The following RAB27A variants were observed in gnomAD, a reference collection of about 807,000 sequenced individuals.
RAB27A encodes the protein RAB27A, member RAS oncogene family.
In RAB27A, 17 loss-of-function variants were observed where a neutral mutation model predicts 20.8. The observed-to-expected ratio is 0.82, with a 90% CI of 0.56 to 1.23. The LOEUF is 1.23. RAB27A is among the 50% of genes most tolerant of loss of function. RAB27A has a pLI of 0.00. For synonymous variants in RAB27A, 85 were observed against 92.8 expected (o/e 0.92, Z 0.48); for missense variants, 277 against 266.7 (o/e 1.04, Z -0.27).
chr15:55,266,060 T>G (rs527742808), intron 2 of RAB27A, among the ~76,000 whole-genome samples: 29 of 152,314 alleles, frequency 1.9e-4, no homozygotes, highest in Admixed American at 1.1e-3. Flanking sequence ...ACTGAATGTT[T>G]GTGTCTCCCC....
rs147886531 is a variant in RAB27A, at chr15:55,284,909, A to G, written c.-143+4807T>C. On this transcript the variant is annotated intron_variant, in intron 1 of 6. Coordinates refer to ENST00000336787, the MANE Select transcript of RAB27A (RefSeq NM_183235.3). ...AATTCTAATACTCCTTGGGTTTACAAATCTTCTCTTTTGGATACATGCACA... is the reference window on the plus strand; with the variant it reads ...AATTCTAATACTCCTTGGGTTTACAGATCTTCTCTTTTGGATACATGCACA... Among the ~76,000 whole-genome samples the G allele has an allele frequency of 2.0e-4, 31 of 152,294 alleles. 1 individual carries two copies. In the East Asian group the frequency reaches 5.8e-3, roughly 28 times the overall value.
intron 2 of RAB27A, among the ~76,000 whole-genome samples, chr15:55,311,159 G>A (rs569629112): frequency 6.6e-6 from 1 of 152,168 alleles, no homozygotes; most frequent in East Asian, 1.9e-4. Context: ...AAACTCTCAG[G>A]CTGCAGTTAT....
At position 55,223,936 on chromosome 15, in the gene RAB27A, C is replaced by G; in HGVS notation, c.420G>C (p.Gln140His). The G allele has an allele frequency of 6.2e-7, 1 of 1,613,976 alleles. No individual in the cohort carries two copies. The highest frequency in any genetic ancestry group is 8.5e-7 in the Non-Finnish European group (1 of 1,179,912). The change falls in exon 6 of 7, where the codon CAG (glutamine) becomes CAC (histidine). Residue 140 changes from glutamine to histidine, a missense_variant. Physicochemically the swap from Gln to His is conservative, Grantham distance 24. Transcript: ENST00000336787. ...TGGCTTCCTCCTCTTTCACTACTCTCTGGTCCTCCAGATCACTCTTGTTTC... is the reference window on the plus strand; with the variant it reads ...TGGCTTCCTCCTCTTTCACTACTCTGTGGTCCTCCAGATCACTCTTGTTTC... ...LCGNKSDLED[Q>H]RVVKEEEAIA...
chr15:55,213,260 T>C (rs74015513), intron 6 of RAB27A, among the ~76,000 whole-genome samples: 6,144 of 152,300 alleles, frequency 0.04, 439 homozygotes, highest in African/African-American at 0.14. Context: ...GAAGAATGTT[T>C]TTGTTTTTCT....
intron 1 of RAB27A, among the ~76,000 whole-genome samples, chr15:55,275,918 T>TAAAAAAAAA (rs60106785): frequency 9.6e-5 from 10 of 104,122 alleles, no homozygotes; most frequent in African/African-American, 1.1e-4. Flanking sequence ...GATGGCTAAT[T>TAAAAAAAAA]AAAAAAAAAA....
upstream of RAB27A, among the ~76,000 whole-genome samples, chr15:55,294,502 C>T (rs2054938895): frequency 6.9e-6 from 1 of 145,544 alleles, no homozygotes; most frequent in African/African-American, 2.5e-5. Flanking sequence ...ATGGGAGGAT[C>T]GCTTGAGCCC....
chr15:55,278,487 T>A (rs867391189), intron 1 of RAB27A, among the ~76,000 whole-genome samples: 8,155 of 148,194 alleles, frequency 0.055, 266 homozygotes, highest in Non-Finnish European at 0.067. Context: ...TTATTATTTT[T>A]TTTTTTTTTT....
At chr15:55,280,547 T>C (rs1897989786) in intron 1 of RAB27A, among the ~76,000 whole-genome samples, 1 of 149,154 alleles carries the variant, frequency 6.7e-6, no homozygotes, top group East Asian at 1.9e-4. Context: ...CTAGGGTACA[T>C]GTGCACAATG....
intron 2 of RAB27A, among the ~76,000 whole-genome samples, chr15:55,302,348 T>C (rs2054975905): frequency 6.6e-6 from 1 of 152,164 alleles, no homozygotes; most frequent in Non-Finnish European, 1.5e-5. Context: ...GGTGCCGGGA[T>C]TGCAGACGGA....
chr15:55,276,212 C>T (rs932003837), intron 1 of RAB27A, among the ~76,000 whole-genome samples: 12 of 152,060 alleles, frequency 7.9e-5, no homozygotes, highest in Non-Finnish European at 1.8e-4. Flanking sequence ...TAGAAACAAC[C>T]TCAATGTCCA....
chr15:55,300,857 T>C (rs200895470), intron 2 of RAB27A, among the ~76,000 whole-genome samples: 7 of 136,934 alleles, frequency 5.1e-5, no homozygotes, highest in Admixed American at 4.3e-4. Context: ...ACAGACTTCA[T>C]AGACTTAGAG....
At chr15:55,286,326 G>T (rs1898151791) in intron 1 of RAB27A, among the ~76,000 whole-genome samples, 1 of 152,164 alleles carries the variant, frequency 6.6e-6, no homozygotes, top group African/African-American at 2.4e-5. Context: ...GAACAAGGCA[G>T]ATTACTGGCC....
intron 5 of RAB27A, among the ~76,000 whole-genome samples, chr15:55,226,869 C>CAAAAAAAAAAAAAAAAAAAAAAA (rs574861809): frequency 1.6e-5 from 1 of 63,350 alleles, no homozygotes; most frequent in Non-Finnish European, 3.3e-5. Flanking sequence ...AACTCCATCT[C>CAAAAAAAAAAAAAAAAAAAAAAA]AAAAAAAAAA....
chr15:55,303,014 G>A lies in RAB27A; in HGVS notation c.-112+11025C>T, dbSNP rs1221310058. 5.6e-5 allele frequency among the ~76,000 whole-genome samples: 8 copies of A among 142,956 alleles called. No individual in the cohort carries two copies. The East Asian group carries it at 6.8e-4, about 12-fold the overall frequency. 93.8% of individuals were successfully genotyped at this position (142,956 alleles called of 152,430 possible). A position where few individuals can be genotyped will look rare whatever the true frequency, so the allele number is the denominator to read the frequency against. The stretch of plus-strand genomic sequence containing the variant: ...GGGTCAACCCCCCGCCCGGCCAGCC[G>A]CCCCATCCGGGAGGGAGGTGGGGGA... On this transcript the variant is annotated intron_variant, in intron 2 of 5. Coordinates refer to the RAB27A transcript ENST00000563262.
chr15:55,218,508 CAGTG>C (rs1566902772), intron 6 of RAB27A, among the ~76,000 whole-genome samples: 1 of 152,170 alleles, frequency 6.6e-6, no homozygotes, highest in Non-Finnish European at 1.5e-5. Flanking sequence ...CTAGAGAAAA[CAGTG>C]AGCATGCTGT....
At chr15:55,312,143 T>A (rs545484899) in intron 2 of RAB27A, among the ~76,000 whole-genome samples, 18 of 152,214 alleles carry the variant, frequency 1.2e-4, no homozygotes, top group East Asian at 5.8e-4. Flanking sequence ...TTCAGTCCGA[T>A]CAGGAGTGGC....
chr15:55,238,907 CA>C (rs1307024806), intron 2 of RAB27A, among the ~76,000 whole-genome samples: 1 of 152,216 alleles, frequency 6.6e-6, no homozygotes, highest in Non-Finnish European at 1.5e-5. Flanking sequence ...CATAGTTGTT[CA>C]AAAGAATCTG....
At chr15:55,224,059 T>C in intron 5 of RAB27A, 47 bp from the exon 6 acceptor site, 1 of 1,435,262 alleles carries the variant, frequency 7.0e-7, no homozygotes, top group Non-Finnish European at 9.7e-7. Context: ...ATAATGTAAG[T>C]GTATGATCAG....
In RAB27A at chr15:55,300,660, C is replaced by G. The variant is rs2054967943; in HGVS notation, c.-112+13379G>C. ...TGCCATTGCACCCCAGTCTGGGCAA[C>G]AAGAGCGAAACTCTGTCTCCAAAAA... is the stretch of plus-strand genomic sequence containing the variant. On this transcript the variant is annotated intron_variant, in intron 2 of 5. Transcript: ENST00000563262. 2.7e-5 allele frequency among the ~76,000 whole-genome samples: 4 copies of G among 147,576 alleles called. No individual in the cohort carries two copies. In the South Asian group the frequency reaches 8.5e-4, roughly 32 times the overall value.
Sources: allele counts gnomAD v4.1 joint callset (sites outside exome capture counted in the v4.1 genomes callset), GRCh38; gene constraint gnomAD v4.1.1; transcripts MANE v1.5; gene names NCBI Gene and HGNC (gene_info 2026-07-23, HGNC 2026-07-21).